The following WASHC4 variants were observed in gnomAD, a reference collection of about 807,000 sequenced individuals.
The protein encoded by WASHC4 is WASH complex subunit 4.
WASHC4 carries 86 observed loss-of-function variants against 166.6 expected under a neutral mutation model. The ratio of observed to expected loss-of-function variants is 0.52; its 90% CI spans 0.43 to 0.62. The LOEUF is 0.62. Ranked by LOEUF, WASHC4 falls within the 20% of genes least tolerant of loss-of-function variation. The pLI is 0.00. For synonymous variants in WASHC4, 446 were observed against 451.6 expected (o/e 0.99, Z 0.16); for missense variants, 1,262 against 1,382.4 (o/e 0.91, Z 1.38).
chr12:105,163,364 A>G (rs1374534020), intron 30 of WASHC4, among the ~76,000 whole-genome samples: 3 of 152,172 alleles, frequency 2.0e-5, no homozygotes, highest in African/African-American at 7.2e-5. Context: ...CCTTCTTAGT[A>G]TTGCTAATCA....
intron 24 of WASHC4, chr12:105,147,905 CAAA>C (rs35835922): frequency 2.4e-6 from 2 of 846,012 alleles, no homozygotes; most frequent in African/African-American, 2.3e-5. Context: ...AACTCCATCT[CAAA>C]AAAAAAAAAA....
chr12:105,144,855 A>T lies in WASHC4; in HGVS notation c.2317A>T (p.Ser773Cys), dbSNP rs1566019179. 1 of 1,612,922 alleles carries T rather than the reference A, an allele frequency of 6.2e-7. No individual in the cohort carries two copies. Among genetic ancestry groups the T allele is most frequent in the Admixed American group, 1.7e-5 (1 of 59,912 alleles). Residue 773 changes from serine to cysteine, a missense_variant, in exon 22 of 33, where the codon AGT becomes TGT. Transcript: ENST00000332180. ...GLVMTEAHLP[S>C]QTLEQGLDVL... is the part of the protein sequence containing the mutation. ...GGTTATGACAGAGGCACATCTTCCC[A>T]GTCAGACTTTGGAACAGGTATAGTA... is the stretch of plus-strand genomic sequence containing the variant.
At position 105,140,990 on chromosome 12, in the gene WASHC4, G is replaced by A. The variant is rs200823566; in HGVS notation, c.1652G>A (p.Ser551Asn). 3 of 1,614,028 alleles carry A rather than the reference G, an allele frequency of 1.9e-6. No individual in the cohort carries two copies. The highest frequency in any genetic ancestry group is 2.5e-6 in the Non-Finnish European group (3 of 1,180,022). ...GCTGAAAACACTCTAAATGGACCAA[G>A]CACAAAGCAACGGCGACTTATTGTT... Reference protein sequence around the residue: ...VLAENTLNGPSTKQRRLIVSL... With the variant: ...VLAENTLNGPNTKQRRLIVSL... Residue 551 changes from serine to asparagine, a missense_variant, in exon 17 of 33, where the codon AGC (serine) becomes AAC (asparagine). Ser to Asn is a conservative substitution (Grantham distance 46). Coordinates refer to ENST00000332180, the MANE Select transcript of WASHC4 (RefSeq NM_015275.3).
In WASHC4 at chr12:105,121,146, C is replaced by T; in HGVS notation, c.607C>T (p.Leu203=). 1 of 1,613,052 alleles carries T rather than the reference C, an allele frequency of 6.2e-7. No homozygotes were observed. The highest frequency in any genetic ancestry group is 8.5e-7 in the Non-Finnish European group (1 of 1,179,450). The change falls in exon 9 of 33, where the codon CTG becomes TTG. Residue 203 remains leucine (L), a synonymous_variant. Coordinates refer to ENST00000332180, the MANE Select transcript of WASHC4 (RefSeq NM_015275.3). ...LGELLTVLLT[L]DEIIDNHITL... is the part of the protein sequence containing the mutation. The stretch of plus-strand genomic sequence containing the variant: ...AGAACTGCTAACAGTTTTGCTCACC[C>T]TGGATGAAATTATTGATAATCATAT...
chr12:105,160,929 ACT>A (rs1884457356), intron 29 of WASHC4, among the ~76,000 whole-genome samples: 1 of 152,114 alleles, frequency 6.6e-6, no homozygotes, highest in South Asian at 2.1e-4. Flanking sequence ...TCTTGCTCTA[ACT>A]CTGTAGTTGC....
intron 25 of WASHC4, among the ~76,000 whole-genome samples, chr12:105,150,861 G>A (rs1006796535): frequency 3.9e-5 from 3 of 77,336 alleles, no homozygotes; most frequent in East Asian, 5.0e-4. Flanking sequence ...AGTGCCCAGC[G>A]AAGCGGGAAG....
chr12:105,122,715 G>C (rs1042577051), intron 10 of WASHC4, among the ~76,000 whole-genome samples: 3 of 152,050 alleles, frequency 2.0e-5, no homozygotes, highest in Non-Finnish European at 2.9e-5. Flanking sequence ...TATTATAGCT[G>C]TTATGGTGAT....
chr12:105,133,727 T>C (rs1233695715), intron 13 of WASHC4, 43 bp from the exon 14 acceptor site: 2 of 1,573,944 alleles, frequency 1.3e-6, no homozygotes, highest in South Asian at 2.2e-5. Context: ...GAAATGGAAG[T>C]AAATTTTCTT....
intron 29 of WASHC4, among the ~76,000 whole-genome samples, chr12:105,160,395 T>A (rs1470781703): frequency 1.3e-5 from 2 of 152,174 alleles, no homozygotes; most frequent in Non-Finnish European, 2.9e-5. Context: ...TCACCCAGGC[T>A]GGAGTGCAGT....
intron 14 of WASHC4, among the ~76,000 whole-genome samples, chr12:105,135,475 A>G (rs549969476): frequency 1.7e-4 from 26 of 151,648 alleles, no homozygotes; most frequent in Middle Eastern, 3.4e-3. Flanking sequence ...TAAGAAGTCA[A>G]CTGTAGGTTT....
Position 105,107,843 on chromosome 12 carries a change from G to T in WASHC4, c.43G>T (p.Val15Phe). 2.6e-6 allele frequency: 4 copies of T among 1,550,804 alleles called. No homozygotes were observed. The highest frequency in any genetic ancestry group is 3.5e-6 in the Non-Finnish European group (4 of 1,146,356). ...TLSPDWEFDR[V>F]DDGSQKIHAE... ...GTCCCCGGACTGGGAGTTTGACCGC[G>T]TTGACGACGGCTCGCAGAGTAAGGG... The change falls in exon 1 of 33, where the codon GTT becomes TTT. Residue 15 changes from valine to phenylalanine, a missense_variant. Transcript: ENST00000332180.
intron 24 of WASHC4, chr12:105,147,957 T>C (rs1883449162): frequency 3.0e-6 from 3 of 985,120 alleles, no homozygotes; most frequent in Non-Finnish European, 3.6e-6. Flanking sequence ...GAAGGAATTA[T>C]TTGAACTCGT....
At chr12:105,117,562 GTTAT>G (rs535475867) in intron 6 of WASHC4, among the ~76,000 whole-genome samples, 21 of 151,998 alleles carry the variant, frequency 1.4e-4, no homozygotes, top group South Asian at 4.2e-4. Context: ...AATAAAATGC[GTTAT>G]TTATTTTCAT....
intron 28 of WASHC4, among the ~76,000 whole-genome samples, chr12:105,159,028 G>GT (rs1368820615): frequency 6.6e-6 from 1 of 152,188 alleles, no homozygotes. Flanking sequence ...GGAATAGTCT[G>GT]TTAGATAGCT....
At chr12:105,164,069 G>C (rs1217870453) in intron 30 of WASHC4, 42 bp from the exon 31 acceptor site, 6 of 1,544,156 alleles carry the variant, frequency 3.9e-6, no homozygotes, top group Non-Finnish European at 5.4e-6. Context: ...TACCACTTCT[G>C]TACTCACTGT....
intron 1 of WASHC4, among the ~76,000 whole-genome samples, chr12:105,110,179 T>C (rs1400157413): frequency 6.6e-6 from 1 of 152,224 alleles, no homozygotes; most frequent in Non-Finnish European, 1.5e-5. Context: ...TAAAACTTTA[T>C]GTGGTTGAAG....
intron 18 of WASHC4, among the ~76,000 whole-genome samples, chr12:105,141,938 T>G (rs1285737102): frequency 6.6e-6 from 1 of 151,658 alleles, no homozygotes; most frequent in East Asian, 1.9e-4. Flanking sequence ...TCTGTTGCCC[T>G]TTAAGGTGTG....
intron 1 of WASHC4, among the ~76,000 whole-genome samples, chr12:105,108,438 C>T (rs1879298600): frequency 6.6e-6 from 1 of 152,200 alleles, no homozygotes; most frequent in African/African-American, 2.4e-5. Context: ...TTTTCCAGGC[C>T]TTTTATTTAT....
Position 105,126,346 on chromosome 12 carries a change from T to A in WASHC4, c.1022T>A (p.Leu341Ter), listed in dbSNP as rs1432971179. 1 of 1,583,782 alleles carries A rather than the reference T, an allele frequency of 6.3e-7. No individual in the cohort carries two copies. Among genetic ancestry groups the A allele is most frequent in the Admixed American group, 1.7e-5 (1 of 59,912 alleles). Residue 341 changes from leucine (L) to a stop codon, truncating the protein, a stop_gained, in exon 12 of 33, where the codon TTG (leucine) becomes TAG (stop). Transcript: ENST00000332180. LOFTEE classifies it high-confidence loss of function. ...GATAAAAAGTTTTATAAGTCTTTATTGGACATTTGTAAGAAGGTAAGAACT... is the reference window on the plus strand; with the variant it reads ...GATAAAAAGTTTTATAAGTCTTTATAGGACATTTGTAAGAAGGTAAGAACT... ...TIDKKFYKSL[L>*]DICKKVPAIT...
Sources: allele counts gnomAD v4.1 joint callset (sites outside exome capture counted in the v4.1 genomes callset), GRCh38; gene constraint gnomAD v4.1.1; transcripts MANE v1.5; gene names NCBI Gene and HGNC (gene_info 2026-07-23, HGNC 2026-07-21).